SLC67A1: variants seen among roughly 807,000 people sequenced by gnomAD.
SLC67A1 encodes solute carrier family 67 member 1.
At chr11:2,903,531 G>A in the SLC67A1 span, 2 of 1,607,530 alleles carry the variant, frequency 1.2e-6, no homozygotes, top group South Asian at 1.1e-5. Flanking sequence ...AGCCAGGGCT[G>A]AACCGCTGTT....
chr11:2,903,042 A>T, the SLC67A1 span: 1 of 416,564 alleles, frequency 2.4e-6, no homozygotes, highest in East Asian at 4.4e-5. Flanking sequence ...GCCCACCTGC[A>T]GGGGTCGGGG....
chr11:2,904,907 G>A, the SLC67A1 span, among the ~76,000 whole-genome samples: 1 of 152,224 alleles, frequency 6.6e-6, no homozygotes, highest in Non-Finnish European at 1.5e-5. Flanking sequence ...GCTGCTCAAA[G>A]AACTCCGGGC....
chr11:2,899,723 C>CAA, the SLC67A1 span: 269 of 1,435,454 alleles, frequency 1.9e-4, 2 homozygotes, highest in East Asian at 6.2e-3. Context: ...CTGTTCATGA[C>CAA]AAAAAAAAAG....
At chr11:2,909,605 C>A in the SLC67A1 span, 8 of 1,531,188 alleles carry the variant, frequency 5.2e-6, no homozygotes, top group South Asian at 8.4e-5. Context: ...ACGGACCTGT[C>A]GGCACCCGAG....
At chr11:2,912,420 G>C in the SLC67A1 span, among the ~76,000 whole-genome samples, 210 of 152,344 alleles carry the variant, frequency 1.4e-3, 1 homozygote, top group African/African-American at 4.8e-3. Context: ...GGCCTGGTGC[G>C]GGGCAGGAGT....
chr11:2,914,614 G>A, the SLC67A1 span: 1 of 748,838 alleles, frequency 1.3e-6, no homozygotes. Context: ...AGGCTTTCCT[G>A]TTGCCCACAG....
chr11:2,903,350 A>G, the SLC67A1 span: 3 of 1,612,730 alleles, frequency 1.9e-6, no homozygotes, highest in East Asian at 6.7e-5. Flanking sequence ...TCCAGGATGC[A>G]GGGAGCTCGG....
chr11:2,924,998 T>C, the SLC67A1 span: 1 of 1,598,652 alleles, frequency 6.3e-7, no homozygotes, highest in Non-Finnish European at 8.5e-7. This position sits in a 1 kb window ranked among gnomAD's most constrained non-coding sequence, Gnocchi z 8.6. Context: ...ACTACCCCCA[T>C]GCACCCCCCA....
the SLC67A1 span, among the ~76,000 whole-genome samples, chr11:2,918,409 G>A: frequency 6.6e-6 from 1 of 152,262 alleles, no homozygotes; most frequent in South Asian, 2.1e-4. Flanking sequence ...GAGATGCAGG[G>A]ACAGCAGGTC....
the SLC67A1 span, chr11:2,914,687 G>A: frequency 1.0e-6 from 1 of 985,146 alleles, no homozygotes; most frequent in South Asian, 4.7e-5. Flanking sequence ...ACCATGCCTT[G>A]CTTGTCACCA....
the SLC67A1 span, chr11:2,920,972 G>A: frequency 6.6e-6 from 1 of 151,596 alleles, no homozygotes; most frequent in African/African-American, 2.4e-5. Flanking sequence ...TGTAATCCCA[G>A]CACTTTGGGA....
the SLC67A1 span, chr11:2,922,270 C>T: frequency 2.0e-6 from 3 of 1,532,388 alleles, no homozygotes; most frequent in Non-Finnish European, 2.7e-6. Flanking sequence ...CTGGGCGGTA[C>T]CATCTGTGCT....
chr11:2,905,564 T>G, the SLC67A1 span, among the ~76,000 whole-genome samples: 1 of 152,238 alleles, frequency 6.6e-6, no homozygotes, highest in Non-Finnish European at 1.5e-5. Context: ...ATTTTCTTAA[T>G]CCAGTCTGTC....
the SLC67A1 span, chr11:2,899,946 C>T: frequency 1.4e-5 from 7 of 484,854 alleles, no homozygotes; most frequent in Admixed American, 3.5e-5. Context: ...ACCCAGGAGG[C>T]GTCTGGAACC....
chr11:2,906,930 T>TGGGGA, the SLC67A1 span, among the ~76,000 whole-genome samples: 2 of 147,260 alleles, frequency 1.4e-5, no homozygotes, highest in Non-Finnish European at 3.0e-5. Flanking sequence ...CTAGCGGCGC[T>TGGGGA]GGGGAGGGGA....
chr11:2,919,285 CT>C, the SLC67A1 span: 11 of 1,588,286 alleles, frequency 6.9e-6, no homozygotes, highest in Non-Finnish European at 9.5e-6. Flanking sequence ...GTACTCACCC[CT>C]GTTCCCCTGC....
the SLC67A1 span, among the ~76,000 whole-genome samples, chr11:2,911,422 G>C: frequency 6.6e-6 from 1 of 151,960 alleles, no homozygotes; most frequent in East Asian, 1.9e-4. Context: ...GGCTCACCCT[G>C]GGGCCAGGGG....
At chr11:2,908,299 C>T in the SLC67A1 span, 205 of 1,613,558 alleles carry the variant, frequency 1.3e-4, no homozygotes, top group Non-Finnish European at 1.7e-4. Flanking sequence ...CTTCGGGGTG[C>T]TGCAGCTGCT....
the SLC67A1 span, among the ~76,000 whole-genome samples, chr11:2,900,432 C>T: frequency 6.6e-6 from 1 of 151,962 alleles, no homozygotes; most frequent in African/African-American, 2.4e-5. Context: ...GTGGCTCACG[C>T]CTGTAATCCC....
Sources: allele counts gnomAD v4.1 joint callset (sites outside exome capture counted in the v4.1 genomes callset), GRCh38; gene constraint gnomAD v4.1.1; non-coding constraint Gnocchi (gnomAD v3.1); transcripts MANE v1.5; gene names NCBI Gene and HGNC (gene_info 2026-07-23, HGNC 2026-07-21).